Variants in VIRMA observed in about 807,000 individuals in gnomAD.
VIRMA encodes vir like m6A methyltransferase associated, also known as protein virilizer homolog.
VIRMA carries 65 observed loss-of-function variants against 182.4 expected under a neutral mutation model. That is an observed-to-expected ratio of 0.36 (90% CI 0.29 to 0.44). The LOEUF (loss-of-function observed/expected upper bound fraction) is 0.44, where lower values mean the gene tolerates loss of function less well. Ranked by LOEUF, VIRMA falls within the 20% of genes least tolerant of loss-of-function variation. The pLI is 1.00. For synonymous variants in VIRMA, 709 were observed against 743.1 expected (o/e 0.95, Z 0.75); for missense variants, 1,752 against 2,158.1 (o/e 0.81, Z 3.73).
At chr8:94,520,112 G>A (rs1814709449) in intron 8 of VIRMA, among the ~76,000 whole-genome samples, 1 of 149,522 alleles carries the variant, frequency 6.7e-6, no homozygotes, top group African/African-American at 2.5e-5. Flanking sequence ...TGAAGAGGCT[G>A]AGCCCAGGGA....
In VIRMA at chr8:94,526,937, A is replaced by G. The variant is rs1281833240; in HGVS notation, c.1307T>C (p.Met436Thr). Reference protein sequence around the residue: ...DSLGQLVDWTMQALNLQVALR... With the variant: ...DSLGQLVDWTTQALNLQVALR... Reference sequence around the variant, plus strand: ...CGCTACTTGTAAATTTAAAGCTTGCATGGTCCAGTCTACCAACTGGCCAAG... The same window carrying G: ...CGCTACTTGTAAATTTAAAGCTTGCGTGGTCCAGTCTACCAACTGGCCAAG... The change falls in exon 8 of 24, where the codon ATG (methionine) becomes ACG (threonine). Residue 436 changes from methionine to threonine, a missense_variant. Transcript: ENST00000297591. 6.2e-7 allele frequency: 1 copy of G among 1,614,130 alleles called. No individual in the cohort carries two copies. Among genetic ancestry groups the G allele is most frequent in the Non-Finnish European group, 8.5e-7 (1 of 1,180,044 alleles).
rs769894839 is a variant in VIRMA, at chr8:94,519,448, A to G, written c.2050T>C (p.Leu684=). 7.2e-6 allele frequency: 11 copies of G among 1,526,094 alleles called. No individual in the cohort carries two copies. In the East Asian group the frequency reaches 9.0e-5, roughly 13 times the overall value. 94.5% of individuals were successfully genotyped at this position (1,526,094 alleles called of 1,614,324 possible). The change falls in exon 9 of 24, where the codon TTG becomes CTG. Residue 684 remains leucine (L), a synonymous_variant. Coordinates refer to ENST00000297591, the MANE Select transcript of VIRMA (RefSeq NM_015496.5). The part of the protein sequence containing the change: ...RYLHSHHFLE[L]VTLLLSIPVT... ...GGAATTGACAGAAGCAAGGTAACCAACTCCAAGAAGTGATGACTGTGAAGA... is the reference window on the plus strand; with the variant it reads ...GGAATTGACAGAAGCAAGGTAACCAGCTCCAAGAAGTGATGACTGTGAAGA...
Position 94,527,064 on chromosome 8 carries a change from C to T in VIRMA, c.1180G>A (p.Glu394Lys), listed in dbSNP as rs772113593. ...GTTACCCATTTTGCACCTCTATCTT[C>T]TCTATACAAATCTAAGAGTTCTGTT... ...KLTELLDLYREDRGAKWVTAL... is the reference protein window; with the variant it reads ...KLTELLDLYRKDRGAKWVTAL... The change falls in exon 8 of 24, where the codon GAA (glutamate) becomes AAA (lysine). Residue 394 changes from glutamate (E) to lysine (K), a missense_variant. Around this residue, in one of 11 missense-constraint regions of VIRMA, gnomAD observed 401 missense variants for 455.1 expected, o/e 0.88. Coordinates refer to ENST00000297591, the MANE Select transcript of VIRMA (RefSeq NM_015496.5). 2 of 1,614,184 alleles carry T rather than the reference C, an allele frequency of 1.2e-6. No homozygotes were observed. The highest frequency in any genetic ancestry group is 2.2e-5 in the South Asian group (2 of 91,080).
chr8:94,552,305 A>G (rs12679345), intron 1 of VIRMA, among the ~76,000 whole-genome samples: 35,688 of 152,114 alleles, frequency 0.23, 5,268 homozygotes, highest in East Asian at 0.5. Flanking sequence ...ATTATGATAC[A>G]ATCACTACCC....
chr8:94,524,899 T>A (rs1182087366), intron 8 of VIRMA, among the ~76,000 whole-genome samples: 1 of 152,244 alleles, frequency 6.6e-6, no homozygotes, highest in Non-Finnish European at 1.5e-5. Flanking sequence ...AACTATTTGC[T>A]TCCTTAGTTT....
chr8:94,492,618 T>C lies in VIRMA; in HGVS notation c.4808+34A>G, dbSNP rs759617465. 13 of 1,575,274 alleles carry C rather than the reference T, an allele frequency of 8.3e-6. No individual in the cohort carries two copies. In the African/African-American group the frequency reaches 1.5e-4, roughly 18 times the overall value. On this transcript the variant is annotated intron_variant, in intron 21 of 23. Transcript: ENST00000297591. The stretch of plus-strand genomic sequence containing the variant: ...TACTAAAATACATAAGCTTATGTGA[T>C]GACATTTGAGATCTTCAGTGGAATA...
intron 6 of VIRMA, among the ~76,000 whole-genome samples, chr8:94,530,450 T>C (rs902561807): frequency 6.8e-6 from 1 of 146,150 alleles, no homozygotes; most frequent in Non-Finnish European, 1.5e-5. Flanking sequence ...TGAGCTGAGA[T>C]GGTGCCACTG....
Position 94,543,453 on chromosome 8 carries a change from G to C in VIRMA, c.179+374C>G, listed in dbSNP as rs555163621. Among the ~76,000 whole-genome samples, 12 of 111,516 alleles carry C rather than the reference G, an allele frequency of 1.1e-4. No homozygotes were observed. In the East Asian group the frequency reaches 3.0e-3, roughly 28 times the overall value. 73.2% of individuals were successfully genotyped at this position (111,516 alleles called of 152,430 possible). A position where few individuals can be genotyped will look rare whatever the true frequency, so the allele number is the denominator to read the frequency against. ...GTAATAATAATAATAATAATAGTAAGATACACTTATAAATATTTCAACTAA... is the reference window on the plus strand; with the variant it reads ...GTAATAATAATAATAATAATAGTAACATACACTTATAAATATTTCAACTAA... On this transcript the variant is annotated intron_variant, in intron 2 of 23. Coordinates refer to ENST00000297591, the MANE Select transcript of VIRMA (RefSeq NM_015496.5).
Position 94,507,805 on chromosome 8 carries a change from A to G in VIRMA, c.3880-1088T>C, listed in dbSNP as rs577962115. 2.6e-5 allele frequency among the ~76,000 whole-genome samples: 4 copies of G among 151,876 alleles called. No homozygotes were observed. In the South Asian group the frequency reaches 8.3e-4, roughly 32 times the overall value. On this transcript the variant is annotated intron_variant, in intron 15 of 23. Transcript: ENST00000297591. ...AGCCCCCTGCAATTTAAAATATCAG[A>G]AAGTTGGATGGATAGAGGAGATGAA...
chr8:94,550,465 T>C (rs1208159255), intron 1 of VIRMA, among the ~76,000 whole-genome samples: 1 of 151,968 alleles, frequency 6.6e-6, no homozygotes, highest in Non-Finnish European at 1.5e-5. Flanking sequence ...GCTATTTGTT[T>C]GTATTTTTAG....
chr8:94,515,007 A>C (rs1236341763), intron 10 of VIRMA, 56 bp from the exon 11 acceptor site: 1 of 879,822 alleles, frequency 1.1e-6, no homozygotes, highest in East Asian at 2.8e-5. Context: ...ATAACAAAGA[A>C]AGTAAATATT....
chr8:94,502,520 A>C (rs1208337502), intron 16 of VIRMA, among the ~76,000 whole-genome samples: 1 of 152,026 alleles, frequency 6.6e-6, no homozygotes, highest in African/African-American at 2.4e-5. Context: ...GTAAAAAGAA[A>C]GTAAATGTAT....
chr8:94,531,134 C>A (rs761070051), intron 5 of VIRMA, 49 bp from the exon 6 acceptor site: 1 of 1,490,302 alleles, frequency 6.7e-7, no homozygotes, highest in African/African-American at 1.4e-5. Context: ...TACAGATGAC[C>A]CCCGAACAAC....
chr8:94,540,619 G>A (rs1815515748), intron 2 of VIRMA, among the ~76,000 whole-genome samples: 1 of 151,840 alleles, frequency 6.6e-6, no homozygotes. Context: ...GCGCCACCAG[G>A]CCCAGCTGAT....
rs554038693 is a variant in VIRMA, at chr8:94,501,569, T to C, written c.4098-2063A>G. On this transcript the variant is annotated intron_variant, in intron 16 of 23. Coordinates refer to ENST00000297591, the MANE Select transcript of VIRMA (RefSeq NM_015496.5). ...CTAGGGCTAAACAAATAAGCAAATA[T>C]AGATAATGAGAGCTGAATTTCTCAC... Among the ~76,000 whole-genome samples the C allele has an allele frequency of 2.2e-4, 33 of 152,314 alleles. No individual in the cohort carries two copies. The South Asian group carries it at 6.2e-3, about 29-fold the overall frequency.
chr8:94,543,401 CAAAAAAAAAAA>C, intron 2 of VIRMA, among the ~76,000 whole-genome samples: 1 of 43,194 alleles, frequency 2.3e-5, no homozygotes, highest in Non-Finnish European at 5.1e-5. Flanking sequence ...AACTCCATCT[CAAAAAAAAAAA>C]AAAAAAAAAA....
intron 15 of VIRMA, among the ~76,000 whole-genome samples, chr8:94,507,997 A>G (rs546593775): frequency 9.0e-5 from 13 of 143,660 alleles, no homozygotes; most frequent in African/African-American, 3.2e-4. Flanking sequence ...GTATATATAT[A>G]AGTATATATA....
At chr8:94,521,233 G>A (rs887322069) in intron 8 of VIRMA, among the ~76,000 whole-genome samples, 5 of 151,964 alleles carry the variant, frequency 3.3e-5, no homozygotes, top group African/African-American at 1.2e-4. Context: ...AGGCCCCAGT[G>A]TGTGTTGCTG....
chr8:94,503,558 T>G (rs1194468175), intron 16 of VIRMA, among the ~76,000 whole-genome samples: 1 of 152,124 alleles, frequency 6.6e-6, no homozygotes, highest in African/African-American at 2.4e-5. Context: ...AAGGATGCAA[T>G]GCAATGTAAG....
Sources: gnomAD v4.1 joint callset for allele counts (sites outside exome capture counted in the v4.1 genomes callset) on GRCh38, gnomAD v4.1.1 for gene constraint, gnomAD v4.1.1 regional missense constraint, MANE v1.5 for transcripts, NCBI Gene and HGNC (gene_info 2026-07-23, HGNC 2026-07-21) for gene names.